Variants in NAF1 observed in about 807,000 individuals in gnomAD.
NAF1 encodes nuclear assembly factor 1 ribonucleoprotein.
Under a neutral mutation model 40.6 loss-of-function variants are expected in NAF1, and 11 were observed. The ratio of observed to expected loss-of-function variants is 0.27; its 90% confidence interval spans 0.17 to 0.45. The LOEUF (loss-of-function observed/expected upper bound fraction) is 0.45. Among genes scored for constraint, NAF1 ranks in the 20% least tolerant of loss-of-function variants. The pLI is 1.00. For missense variants in NAF1, 607 were observed against 611.1 expected (o/e 0.99, Z 0.07); for synonymous variants, 260 against 228.5 (o/e 1.14, Z -1.24).
chr4:163,130,060 A>G (rs1404574056), intron 7 of NAF1, among the ~76,000 whole-genome samples: 1 of 152,196 alleles, frequency 6.6e-6, no homozygotes, highest in Non-Finnish European at 1.5e-5. Context: ...CTAGACTTCA[A>G]TCTACCCTGT....
intron 2 of NAF1, among the ~76,000 whole-genome samples, chr4:163,163,016 ATGATATG>A: frequency 6.6e-6 from 1 of 152,204 alleles, no homozygotes; most frequent in East Asian, 1.9e-4. Context: ...TAGTAAGACA[ATGATATG>A]TATGCATTTA....
intron 2 of NAF1, among the ~76,000 whole-genome samples, chr4:163,163,569 A>G (rs1209476449): frequency 6.6e-6 from 1 of 151,904 alleles, no homozygotes; most frequent in African/African-American, 2.4e-5. Flanking sequence ...ATAGGTTTCA[A>G]TCAGACTAAC....
At chr4:163,163,147 A>G (rs1246978270) in intron 2 of NAF1, among the ~76,000 whole-genome samples, 1 of 152,202 alleles carries the variant, frequency 6.6e-6, no homozygotes, top group African/African-American at 2.4e-5. Context: ...ACTTTCAGAA[A>G]ATAGTTATGC....
intron 2 of NAF1, among the ~76,000 whole-genome samples, chr4:163,162,898 T>G (rs967557904): frequency 1.3e-5 from 2 of 152,174 alleles, no homozygotes; most frequent in African/African-American, 4.8e-5. Flanking sequence ...AAATCCTTTT[T>G]GATCTTCTGA....
Position 163,113,483 on chromosome 4 carries a change from T to C in NAF1, c.115-3193A>G, listed in dbSNP as rs539884264. ...ATATCCTTTTTGTATCTGGAAGTTT[T>C]GCTCTCCATCATGTTTTTGAGATGC... On this transcript the variant is annotated intron_variant, in intron 2 of 2. Coordinates refer to the NAF1 transcript ENST00000509434. 7.2e-5 allele frequency among the ~76,000 whole-genome samples: 11 copies of C among 152,318 alleles called. No homozygotes were observed. In the South Asian group the frequency reaches 2.3e-3, roughly 32 times the overall value.
At chr4:163,151,651 A>C (rs776909860) in intron 2 of NAF1, among the ~76,000 whole-genome samples, 18 of 152,138 alleles carry the variant, frequency 1.2e-4, no homozygotes, top group Non-Finnish European at 2.4e-4. Context: ...AAACATTTCA[A>C]TATTTGAGAT....
At chr4:163,144,008 G>T in intron 4 of NAF1, 1 of 960,966 alleles carries the variant, frequency 1.0e-6, no homozygotes, top group Non-Finnish European at 1.2e-6. Context: ...AGGGGGTGGG[G>T]AACAACACTC....
At chr4:163,160,147 T>G (rs1339214954) in intron 2 of NAF1, among the ~76,000 whole-genome samples, 1 of 152,176 alleles carries the variant, frequency 6.6e-6, no homozygotes, top group Non-Finnish European at 1.5e-5. Flanking sequence ...ATATGTATGC[T>G]GCTTACAGTG....
intron 2 of NAF1, among the ~76,000 whole-genome samples, chr4:163,120,833 A>G (rs536700311): frequency 1.3e-5 from 2 of 152,238 alleles, no homozygotes; most frequent in East Asian, 3.9e-4. Flanking sequence ...CATTGCACAG[A>G]GTCAAAAATG....
intron 6 of NAF1, among the ~76,000 whole-genome samples, chr4:163,136,584 C>A (rs1337057116): frequency 6.6e-6 from 1 of 151,424 alleles, no homozygotes; most frequent in Non-Finnish European, 1.5e-5. Context: ...CCTATTAAAT[C>A]ATTAACTTAT....
chr4:163,133,311 A>G, intron 6 of NAF1, 55 bp from the exon 7 acceptor site: 1 of 1,367,020 alleles, frequency 7.3e-7, no homozygotes, highest in Admixed American at 1.8e-5. Flanking sequence ...CCAATTCAAT[A>G]GTACATACTT....
At chr4:163,125,407 A>G (rs925397004), downstream of NAF1, among the ~76,000 whole-genome samples, 2 of 152,270 alleles carry the variant, frequency 1.3e-5, no homozygotes, top group African/African-American at 4.8e-5. Context: ...GAACACAGGA[A>G]TAAGAAAGCA....
chr4:163,143,236 A>G (rs1426726824), intron 4 of NAF1, among the ~76,000 whole-genome samples: 2 of 152,126 alleles, frequency 1.3e-5, no homozygotes, highest in African/African-American at 2.4e-5. Flanking sequence ...AAGTCATTAT[A>G]TTTTTGCTAC....
chr4:163,126,628 T>C (rs1392389175), downstream of NAF1: 4 of 162,310 alleles, frequency 2.5e-5, no homozygotes, highest in African/African-American at 9.6e-5. Context: ...GGACTTAGAA[T>C]GCTACCTTCT....
intron 2 of NAF1, among the ~76,000 whole-genome samples, chr4:163,153,921 C>T (rs545018674): frequency 1.3e-5 from 2 of 152,246 alleles, no homozygotes; most frequent in East Asian, 1.9e-4. Flanking sequence ...TAACACTCAC[C>T]GCGAAGATCT....
rs1732461436 is a variant in NAF1, at chr4:163,166,341, C to T, written c.365+22G>A. 6 of 1,563,394 alleles carry T rather than the reference C, an allele frequency of 3.8e-6. No individual in the cohort carries two copies. The Admixed American group carries it at 5.6e-5, about 15-fold the overall frequency. ...TCATACAAGACCTCTCCCCACAGCT[C>T]CGGGTCCCTTAGGCACCCGACCTGT... On this transcript the variant is annotated intron_variant, in intron 1 of 7. Coordinates refer to ENST00000274054, the MANE Select transcript of NAF1 (RefSeq NM_138386.3).
chr4:163,155,502 A>T (rs1731951003), intron 2 of NAF1, among the ~76,000 whole-genome samples: 2 of 152,210 alleles, frequency 1.3e-5, no homozygotes, highest in Admixed American at 1.3e-4. Context: ...ATAACCCGAT[A>T]TAGAATCCTC....
chr4:163,154,840 C>G (rs1731905804), intron 2 of NAF1, among the ~76,000 whole-genome samples: 1 of 151,034 alleles, frequency 6.6e-6, no homozygotes, highest in African/African-American at 2.4e-5. Context: ...CATTGCACTC[C>G]AGCCTGGGCG....
chr4:163,135,995 T>C (rs1560789140), intron 6 of NAF1: 2 of 152,252 alleles, frequency 1.3e-5, no homozygotes, highest in East Asian at 3.9e-4. Flanking sequence ...AAAACATAAT[T>C]CCATTTCAAT....
Sources: gnomAD v4.1 joint callset for allele counts (sites outside exome capture counted in the v4.1 genomes callset) on GRCh38, gnomAD v4.1.1 for gene constraint, MANE v1.5 for transcripts, NCBI Gene and HGNC (gene_info 2026-07-23, HGNC 2026-07-21) for gene names.